Variants in TTC28 observed in about 807,000 individuals in gnomAD.
The protein encoded by TTC28 is tetratricopeptide repeat domain 28, also known as tetratricopeptide repeat protein 28.
Under a neutral mutation model 198.0 loss-of-function variants are expected in TTC28, and 61 were observed. The ratio of observed to expected loss-of-function variants is 0.31; its 90% confidence interval spans 0.25 to 0.38. The LOEUF is 0.38. TTC28 is among the 10% of genes least tolerant of loss of function. The pLI is 1.00. For missense variants in TTC28, 2,678 were observed against 3,164.0 expected (o/e 0.85, Z 3.69); for synonymous variants, 1,171 against 1,297.8 (o/e 0.90, Z 2.10).
intron 22 of TTC28, among the ~76,000 whole-genome samples, chr22:27,984,281 C>T (rs1267352890): frequency 1.3e-5 from 2 of 152,052 alleles, no homozygotes; most frequent in African/African-American, 4.8e-5. Flanking sequence ...CTGGCATCAC[C>T]GACACTCGCT....
chr22:28,011,012 A>G (rs527776713), intron 14 of TTC28, among the ~76,000 whole-genome samples: 3 of 152,322 alleles, frequency 2.0e-5, no homozygotes, highest in South Asian at 2.1e-4. Context: ...CACAGAGCTA[A>G]GTCCTGAGTC....
chr22:28,175,884 G>A (rs531272375), intron 5 of TTC28, among the ~76,000 whole-genome samples: 16 of 152,080 alleles, frequency 1.1e-4, no homozygotes, highest in African/African-American at 7.2e-5. Flanking sequence ...CAGTTACAAC[G>A]GCTATTATAA....
At chr22:28,375,747 G>T (rs1337489600) in intron 2 of TTC28, among the ~76,000 whole-genome samples, 1 of 152,164 alleles carries the variant, frequency 6.6e-6, no homozygotes, top group Non-Finnish European at 1.5e-5. Flanking sequence ...ACTGAGTAGG[G>T]AAGATCTGCC....
In TTC28 at chr22:27,981,198, G is replaced by A. The variant is rs990116570; in HGVS notation, c.*1023C>T. On this transcript the variant is annotated 3_prime_UTR_variant, in exon 23 of 23. Coordinates refer to ENST00000397906, the MANE Select transcript of TTC28 (RefSeq NM_001145418.2). ...AAAAGGGAACAGGAGCCTGGAAGGC[G>A]GGATTCTGGTTAAATCTAGTTAGCC... 17 of 147,566 alleles carry A rather than the reference G, an allele frequency of 1.2e-4. No homozygotes were observed. The highest frequency in any genetic ancestry group is 4.3e-4 in the African/African-American group (17 of 39,710). 9.1% of individuals were successfully genotyped at this position (147,566 alleles called of 1,614,324 possible). A position where few individuals can be genotyped will look rare whatever the true frequency, so the allele number is the denominator to read the frequency against.
At chr22:28,136,015 T>A (rs1199745686) in intron 6 of TTC28, among the ~76,000 whole-genome samples, 1 of 152,206 alleles carries the variant, frequency 6.6e-6, no homozygotes, top group East Asian at 1.9e-4. Context: ...AATTGCAGAA[T>A]AATACTATTG....
chr22:28,025,195 T>C (rs1267399201), intron 13 of TTC28, among the ~76,000 whole-genome samples: 1 of 152,196 alleles, frequency 6.6e-6, no homozygotes, highest in Non-Finnish European at 1.5e-5. Flanking sequence ...TTTGGATCTT[T>C]TGAGTGGTTG....
intron 13 of TTC28, among the ~76,000 whole-genome samples, chr22:28,024,948 TC>T (rs1451969257): frequency 1.3e-5 from 2 of 151,988 alleles, no homozygotes; most frequent in African/African-American, 2.4e-5. Context: ...AACACTCAGC[TC>T]CTTATTGGGG....
chr22:28,066,046 T>G (rs1479826421), intron 12 of TTC28, among the ~76,000 whole-genome samples: 1 of 152,232 alleles, frequency 6.6e-6, no homozygotes, highest in Non-Finnish European at 1.5e-5. Flanking sequence ...CGCACAATAT[T>G]TCTTGCTTAA....
In TTC28 at chr22:28,679,688, G is replaced by T; in HGVS notation, c.36C>A (p.Thr12=). The T allele has an allele frequency of 7.6e-7, 1 of 1,311,892 alleles. No homozygotes were observed. Among genetic ancestry groups the T allele is most frequent in the East Asian group, 3.2e-5 (1 of 31,638 alleles). The allele number at this position is 1,311,892 out of a possible 1,614,324, so 81.3% of individuals were successfully genotyped here. A position where few individuals can be genotyped will look rare whatever the true frequency, so the allele number is the denominator to read the frequency against. The change falls in exon 1 of 23, where the codon ACC becomes ACA. Residue 12 remains threonine (T), a synonymous_variant. Transcript: ENST00000397906. ...EQSPPPAPEP[T]QGPTPARSRR... ...GGCTCCTTGCGGGGGTCGGCCCTTGGGTCGGCTCGGGCGCCGGCGGCGGCG... is the reference window on the plus strand; with the variant it reads ...GGCTCCTTGCGGGGGTCGGCCCTTGTGTCGGCTCGGGCGCCGGCGGCGGCG...
intron 2 of TTC28, among the ~76,000 whole-genome samples, chr22:28,605,510 T>C: frequency 6.6e-6 from 1 of 152,134 alleles, no homozygotes; most frequent in South Asian, 2.1e-4. Context: ...GACAGAAACC[T>C]TTCAATCACT....
At chr22:28,660,164 C>T (rs117577667) in intron 1 of TTC28, among the ~76,000 whole-genome samples, 2,456 of 152,236 alleles carry the variant, frequency 0.016, 46 homozygotes, top group Non-Finnish European at 0.023. Flanking sequence ...CAAACCTGGT[C>T]TAAAACTAAA....
intron 5 of TTC28, among the ~76,000 whole-genome samples, chr22:28,220,590 T>C (rs1253567716): frequency 6.6e-6 from 1 of 152,172 alleles, no homozygotes; most frequent in Non-Finnish European, 1.5e-5. Flanking sequence ...CACATGGGGT[T>C]CCCCAATATA....
intron 2 of TTC28, among the ~76,000 whole-genome samples, chr22:28,608,485 C>T (rs1431009163): frequency 3.3e-5 from 5 of 152,172 alleles, no homozygotes; most frequent in African/African-American, 1.2e-4. Flanking sequence ...TGCAGCAATA[C>T]ATATCAGGTA....
intron 2 of TTC28, among the ~76,000 whole-genome samples, chr22:28,583,797 T>TA (rs2050267200): frequency 6.6e-6 from 1 of 152,102 alleles, no homozygotes; most frequent in African/African-American, 2.4e-5. Flanking sequence ...AATATAAGAA[T>TA]AAAAATATCT....
intron 2 of TTC28, among the ~76,000 whole-genome samples, chr22:28,585,506 C>T (rs1169450941): frequency 6.6e-6 from 1 of 152,172 alleles, no homozygotes; most frequent in Non-Finnish European, 1.5e-5. Context: ...CGATAGAGAG[C>T]GGCTGTAAAT....
chr22:27,987,021 G>T (rs1206199508), intron 21 of TTC28, among the ~76,000 whole-genome samples: 2 of 152,306 alleles, frequency 1.3e-5, no homozygotes, highest in Non-Finnish European at 1.5e-5. Flanking sequence ...GGGTTGTGAA[G>T]GTGTGTGCTT....
At chr22:28,268,588 T>C (rs1931836715) in intron 5 of TTC28, among the ~76,000 whole-genome samples, 1 of 152,216 alleles carries the variant, frequency 6.6e-6, no homozygotes, top group African/African-American at 2.4e-5. Flanking sequence ...AATATCTGAT[T>C]CTAAAAGAGA....
chr22:28,167,126 A>T (rs995573417), intron 5 of TTC28, among the ~76,000 whole-genome samples: 1 of 152,258 alleles, frequency 6.6e-6, no homozygotes, highest in Admixed American at 6.5e-5. Context: ...AACCAGGAAG[A>T]AGTTGAATCT....
At chr22:28,121,509 G>GA (rs1942786222) in intron 6 of TTC28, among the ~76,000 whole-genome samples, 1 of 152,240 alleles carries the variant, frequency 6.6e-6, no homozygotes, top group African/African-American at 2.4e-5. Context: ...ACCTAGAGCA[G>GA]ACAACTTTAC....
Sources: gnomAD v4.1 joint callset for allele counts (sites outside exome capture counted in the v4.1 genomes callset) on GRCh38, gnomAD v4.1.1 for gene constraint, MANE v1.5 for transcripts, NCBI Gene and HGNC (gene_info 2026-07-23, HGNC 2026-07-21) for gene names.